HERC2: variants seen among roughly 807,000 people sequenced by gnomAD.
HERC2 encodes E3 ubiquitin-protein ligase HERC2.
HERC2 carries 102 observed loss-of-function variants against 537.7 expected under a neutral mutation model. The ratio of observed to expected loss-of-function variants is 0.19; its 90% confidence interval spans 0.16 to 0.22. The LOEUF (loss-of-function observed/expected upper bound fraction) is 0.22. HERC2 is among the 10% of genes least tolerant of loss of function. The pLI is 1.00. For missense variants in HERC2, 4,236 were observed against 6,198.2 expected, an observed-to-expected ratio of 0.68 and a Z score of 10.63; for synonymous variants, 2,224 against 2,466.2, an observed-to-expected ratio of 0.90 and a Z score of 2.91.
At chr15:28,311,370 G>A (rs2076940933) in intron 2 of HERC2, among the ~76,000 whole-genome samples, 1 of 152,294 alleles carries the variant, frequency 6.6e-6, no homozygotes. Flanking sequence ...GGGCTGAGGT[G>A]GGAGGATCAC....
intron 35 of HERC2, among the ~76,000 whole-genome samples, chr15:28,222,949 T>C (rs1900682888): frequency 6.6e-6 from 1 of 152,192 alleles, no homozygotes. Flanking sequence ...TGGAAGCTTG[T>C]ACCTGCTTTC....
intron 5 of HERC2, among the ~76,000 whole-genome samples, chr15:28,276,192 CAAAAAAA>C (rs11359639): frequency 1.3e-4 from 9 of 70,104 alleles, no homozygotes; most frequent in African/African-American, 4.6e-4. Flanking sequence ...TCTCAAAAAA[CAAAAAAA>C]AAAAAAAAAA....
In HERC2 at chr15:28,253,756, G is replaced by A. The variant is rs2075160796; in HGVS notation, c.3050+584C>T. 3.3e-5 allele frequency among the ~76,000 whole-genome samples: 5 copies of A among 152,252 alleles called. No individual in the cohort carries two copies. In the South Asian group the frequency reaches 1.0e-3, roughly 32 times the overall value. ...GCGGGTAGATCACCTGAGGTCAGGA[G>A]TTTGAGACCAGCCTGACCAATATTT... On this transcript the variant is annotated intron_variant, in intron 20 of 92. Transcript: ENST00000261609.
chr15:28,320,072 G>A (rs1567163856), intron 2 of HERC2: 2 of 151,424 alleles, frequency 1.3e-5, no homozygotes. Context: ...TCTGTACTCT[G>A]TCTTATGTAA....
rs1384520330 is a variant in HERC2 at position 28,186,678 on chromosome 15, G to C, written c.8724C>G (p.Ile2908Met). Residue 2908 changes from isoleucine (I) to methionine (M), a missense_variant, in exon 56 of 93, where the codon ATC (isoleucine) becomes ATG (methionine). Transcript: ENST00000261609. ...SGIDCKIHGL[I>M]LLGRIRAEEE... ...CTTCTGCACGGATCCGTCCCAGCAG[G>C]ATGAGACCATGGATTTTACAATCGA... 1 of 1,613,888 alleles carries C rather than the reference G, an allele frequency of 6.2e-7. No homozygotes were observed. The highest frequency in any genetic ancestry group is 1.7e-5 in the Admixed American group (1 of 59,996).
At chr15:28,160,430 C>G (rs147103414) in intron 69 of HERC2, among the ~76,000 whole-genome samples, 2 of 152,202 alleles carry the variant, frequency 1.3e-5, no homozygotes, top group East Asian at 3.9e-4. Context: ...GCCTCAGCAA[C>G]GGTGGACGCC....
intron 3 of HERC2, among the ~76,000 whole-genome samples, chr15:28,294,176 T>G (rs950366882): frequency 3.9e-5 from 6 of 152,168 alleles, no homozygotes; most frequent in African/African-American, 1.4e-4. Context: ...CACAGTGCAA[T>G]TCAATTCTGA....
At chr15:28,150,749 G>C (rs946645140) in intron 70 of HERC2, among the ~76,000 whole-genome samples, 5 of 151,194 alleles carry the variant, frequency 3.3e-5, no homozygotes, top group South Asian at 2.1e-4. Context: ...ACCGAGAATG[G>C]CCACACGAAC....
intron 68 of HERC2, among the ~76,000 whole-genome samples, chr15:28,165,871 C>G (rs1312189176): frequency 2.0e-5 from 3 of 152,112 alleles, no homozygotes; most frequent in Non-Finnish European, 4.4e-5. Flanking sequence ...TTCTCTAGCC[C>G]TGTCACCCAA....
Position 28,176,586 on chromosome 15 carries a change from G to A in HERC2, c.9528C>T (p.Ser3176=), listed in dbSNP as rs1425225306. The change falls in exon 63 of 93, where the codon TCC becomes TCT. Residue 3176 remains serine (S), a synonymous_variant. Transcript: ENST00000261609. The surrounding 1 kb of genome is among the most constrained non-coding windows in gnomAD (Gnocchi z 5.0). ...LALTDEGLVF[S]WGDGDFGKLG... ...GTTTTCCAAAGTCACCATCACCCCA[G>A]GAAAATACCAAACCTAGGTTTAAGA... 14 of 1,614,076 alleles carry A rather than the reference G, an allele frequency of 8.7e-6. No individual in the cohort carries two copies. Among genetic ancestry groups the A allele is most frequent in the Non-Finnish European group, 1.2e-5 (14 of 1,180,004 alleles).
intron 4 of HERC2, 43 bp downstream of exon 4, chr15:28,292,845 C>A (rs773795595): frequency 1.3e-6 from 2 of 1,579,070 alleles, no homozygotes; most frequent in Non-Finnish European, 1.7e-6. Flanking sequence ...AGAAAGGGAG[C>A]GTCAGATCAA....
In HERC2 at chr15:28,215,729, A is replaced by C. The variant is rs778643985; in HGVS notation, c.6102T>G (p.Ala2034=). The change falls in exon 39 of 93, where the codon GCT becomes GCG. Residue 2034 remains alanine (A), a synonymous_variant. Transcript: ENST00000261609. ...GGGCGCCGCATACCTGCGGCGTGAG[A>C]GCGATGCTCCGCACAAACCCCAGCG... The part of the protein sequence containing the change: ...WCTLGFVRSI[A]LTPQVCGALS... The C allele has an allele frequency of 9.9e-6, 16 of 1,611,894 alleles. No individual in the cohort carries two copies. The highest frequency in any genetic ancestry group is 2.2e-5 in the East Asian group (1 of 44,892).
rs544979748 is a variant in HERC2 at position 28,147,231 on chromosome 15, CAG to C, written c.10901-889_10901-888del. ...GACTAGATATAAAGCGAGAGAGAAA[CAG>C]AAGAGAAAAAGGGTCACAAGATTTT... On this transcript the variant is annotated intron_variant, in intron 70 of 92. Coordinates refer to ENST00000261609, the MANE Select transcript of HERC2 (RefSeq NM_004667.6). Among the ~76,000 whole-genome samples the C allele has an allele frequency of 4.1e-3, 623 of 152,134 alleles. 5 individuals carry two copies. The highest frequency in any genetic ancestry group is 0.014 in the African/African-American group (593 of 41,472).
At position 28,163,156 on chromosome 15, in the gene HERC2, C is replaced by T. The variant is rs368334259; in HGVS notation, c.10684G>A (p.Gly3562Arg). Residue 3562 changes from glycine (G) to arginine (R), a missense_variant, in exon 69 of 93, where the codon GGG (glycine) becomes AGG (arginine). By Grantham distance (125) the Gly-to-Arg change is moderately radical. This residue lies in a region of HERC2 where 356 missense variants were observed against 450.9 expected (regional missense o/e 0.79). Transcript: ENST00000261609. ...LLKLSVCSRA[G>R]DRGRDVLSAV... ...GAGAGCACATCCCTGCCCCTGTCCC[C>T]GGCCCGGCTGCACACTGACAGCTTG... is the stretch of plus-strand genomic sequence containing the variant. 9.3e-6 allele frequency: 15 copies of T among 1,613,070 alleles called. No individual in the cohort carries two copies. The highest frequency in any genetic ancestry group is 4.0e-5 in the African/African-American group (3 of 74,934).
chr15:28,270,184 C>G (rs1395491061), intron 10 of HERC2, among the ~76,000 whole-genome samples: 2 of 151,606 alleles, frequency 1.3e-5, no homozygotes, highest in African/African-American at 4.9e-5. Context: ...GCTGGAGAAC[C>G]CACTCTTTTT....
intron 4 of HERC2, among the ~76,000 whole-genome samples, chr15:28,281,042 G>A (rs1209424712): frequency 3.3e-5 from 5 of 151,988 alleles, no homozygotes; most frequent in African/African-American, 7.2e-5. Context: ...ATATAAAAAC[G>A]ATGTCTTGAT....
intron 4 of HERC2, among the ~76,000 whole-genome samples, chr15:28,282,738 C>A (rs1418297814): frequency 6.6e-6 from 1 of 152,116 alleles, no homozygotes; most frequent in African/African-American, 2.4e-5. Context: ...TTGAGACCAG[C>A]CTGGCCAACA....
rs763230613 is a variant in HERC2, at chr15:28,215,711, G to A, written c.6120C>T (p.Cys2040=). 4 of 1,611,858 alleles carry A rather than the reference G, an allele frequency of 2.5e-6. No homozygotes were observed. The highest frequency in any genetic ancestry group is 1.1e-5 in the South Asian group (1 of 90,988). ...VRSIALTPQV[C]GALSSPQWIT... is the part of the protein sequence containing the mutation. ...TCCACTGCGGGGAGCTGAGGGCGCCGCATACCTGCGGCGTGAGAGCGATGC... is the reference window on the plus strand; with the variant it reads ...TCCACTGCGGGGAGCTGAGGGCGCCACATACCTGCGGCGTGAGAGCGATGC... The change falls in exon 39 of 93, where the codon TGC becomes TGT. Residue 2040 remains cysteine (C), a synonymous_variant. Coordinates refer to ENST00000261609, the MANE Select transcript of HERC2 (RefSeq NM_004667.6).
intron 74 of HERC2, among the ~76,000 whole-genome samples, chr15:28,143,648 G>A (rs562156039): frequency 6.9e-4 from 105 of 151,936 alleles, no homozygotes; most frequent in Non-Finnish European, 1.6e-4. Flanking sequence ...GGATTTCACC[G>A]TGTTAGCCAG....
Sources: allele counts gnomAD v4.1 joint callset (sites outside exome capture counted in the v4.1 genomes callset), GRCh38; gene constraint gnomAD v4.1.1; regional missense constraint gnomAD v4.1.1; non-coding constraint Gnocchi (gnomAD v3.1); transcripts MANE v1.5; gene names NCBI Gene and HGNC (gene_info 2026-07-23, HGNC 2026-07-21).